TRAPPC9: variants seen among roughly 807,000 people sequenced by gnomAD.
TRAPPC9 encodes the protein IKK2 binding protein.
In TRAPPC9, 83 loss-of-function variants were observed where a neutral mutation model predicts 124.0. That is an observed-to-expected ratio of 0.67 (90% CI 0.56 to 0.80). TRAPPC9 has a LOEUF of 0.80. Among genes scored for constraint, TRAPPC9 ranks in the 30% least tolerant of loss-of-function variants. The pLI, the probability that TRAPPC9 is intolerant of heterozygous loss-of-function variation, is 0.00. For synonymous variants in TRAPPC9, 638 were observed against 617.5 expected, an observed-to-expected ratio of 1.03 and a Z score of -0.49; for missense variants, 1,302 against 1,508.3, an observed-to-expected ratio of 0.86 and a Z score of 2.27.
Position 140,275,773 on chromosome 8 carries a change from A to G in TRAPPC9, c.2163T>C (p.Asn721=). ...QPSSGDEIST[N]VSVQLYNGES... The stretch of plus-strand genomic sequence containing the variant: ...CTCCATTGTAAAGCTGGACAGATAC[A>G]TTAGTAGATATTTCATCACCAGAAG... Residue 721 remains asparagine (N), a synonymous_variant, in exon 15 of 23, where the codon AAT becomes AAC. Transcript: ENST00000438773. The G allele has an allele frequency of 6.2e-7, 1 of 1,613,428 alleles. No individual in the cohort carries two copies. The highest frequency in any genetic ancestry group is 1.3e-5 in the African/African-American group (1 of 75,042).
At chr8:140,444,932 T>A (rs1168741640) in intron 2 of TRAPPC9, among the ~76,000 whole-genome samples, 3 of 146,540 alleles carry the variant, frequency 2.0e-5, no homozygotes. Context: ...CACCCAGGGG[T>A]CAGCCCGGGG....
chr8:140,093,176 T>C (rs1054615047), intron 17 of TRAPPC9, among the ~76,000 whole-genome samples: 1 of 152,322 alleles, frequency 6.6e-6, no homozygotes, highest in East Asian at 1.9e-4. Context: ...GCTTTTGTTC[T>C]AGTAGCTACC....
intron 21 of TRAPPC9, among the ~76,000 whole-genome samples, chr8:139,805,691 G>A (rs988195310): frequency 1.3e-5 from 2 of 152,152 alleles, no homozygotes; most frequent in Admixed American, 1.3e-4. Flanking sequence ...TATAAAAGGA[G>A]CCCGTAGCAT....
chr8:140,060,090 G>T (rs1445876626), intron 17 of TRAPPC9, among the ~76,000 whole-genome samples: 1 of 152,210 alleles, frequency 6.6e-6, no homozygotes, highest in Non-Finnish European at 1.5e-5. Flanking sequence ...TTTAAAGAGT[G>T]TCAGGTCTCC....
chr8:140,121,806 G>A (rs2060990598), intron 17 of TRAPPC9, among the ~76,000 whole-genome samples: 1 of 152,172 alleles, frequency 6.6e-6, no homozygotes, highest in Admixed American at 6.5e-5. Context: ...AAATACAGCA[G>A]AGTCGTGTGT....
chr8:139,760,042 C>G (rs1820114664), intron 21 of TRAPPC9, among the ~76,000 whole-genome samples: 1 of 152,242 alleles, frequency 6.6e-6, no homozygotes, highest in East Asian at 1.9e-4. Context: ...CTCATCTCAG[C>G]ATGAAGCATG....
chr8:140,080,786 A>G (rs1376548964), intron 17 of TRAPPC9, among the ~76,000 whole-genome samples: 1 of 152,238 alleles, frequency 6.6e-6, no homozygotes, highest in African/African-American at 2.4e-5. Context: ...CCCTAAAAAC[A>G]TGAATTCTAG....
At chr8:140,092,362 T>C (rs913533503) in intron 17 of TRAPPC9, among the ~76,000 whole-genome samples, 6 of 151,896 alleles carry the variant, frequency 4.0e-5, no homozygotes, top group Admixed American at 3.9e-4. Context: ...CACGCGAGGC[T>C]AATTTTTGTA....
chr8:140,308,659 G>A (rs2066205607), intron 10 of TRAPPC9, among the ~76,000 whole-genome samples: 1 of 152,100 alleles, frequency 6.6e-6, no homozygotes, highest in Non-Finnish European at 1.5e-5. Context: ...GAGGCGGGCG[G>A]ATCACGAGGT....
At chr8:140,285,084 G>A (rs929559891) in intron 13 of TRAPPC9, among the ~76,000 whole-genome samples, 2 of 152,164 alleles carry the variant, frequency 1.3e-5, no homozygotes, top group Non-Finnish European at 2.9e-5. Flanking sequence ...CCAAAAGTCT[G>A]AGGACAAATA....
chr8:139,770,959 C>T (rs1412636652), intron 21 of TRAPPC9, among the ~76,000 whole-genome samples: 1 of 152,142 alleles, frequency 6.6e-6, no homozygotes, highest in Admixed American at 6.5e-5. Context: ...GGGACCCTCC[C>T]GCAGGAGTCC....
At chr8:140,033,681 T>TTTTTTTTTTTTTTTTTTTTTG (rs1840680303) in intron 17 of TRAPPC9, among the ~76,000 whole-genome samples, 1 of 117,320 alleles carries the variant, frequency 8.5e-6, no homozygotes, top group African/African-American at 3.6e-5. Flanking sequence ...TTTTTTTTTT[T>TTTTTTTTTTTTTTTTTTTTTG]TTTTTTTTTT....
intron 9 of TRAPPC9, among the ~76,000 whole-genome samples, chr8:140,341,139 T>G (rs1189773205): frequency 6.6e-6 from 1 of 152,104 alleles, no homozygotes; most frequent in Non-Finnish European, 1.5e-5. Flanking sequence ...ACAAAAAGAC[T>G]ACATTCCAGC....
intron 19 of TRAPPC9, among the ~76,000 whole-genome samples, chr8:139,955,421 T>A (rs2131530187): frequency 6.7e-6 from 1 of 150,054 alleles, no homozygotes; most frequent in South Asian, 2.1e-4. Flanking sequence ...CCGAGATGGA[T>A]CCAAGAGCAA....
intron 20 of TRAPPC9, among the ~76,000 whole-genome samples, chr8:139,901,856 C>T (rs750269470): frequency 3.3e-5 from 5 of 152,328 alleles, no homozygotes; most frequent in Middle Eastern, 6.8e-3. Context: ...TGGGCCTCCT[C>T]GTTTTCTCAT....
At chr8:139,862,294 A>G (rs1475017332) in intron 21 of TRAPPC9, among the ~76,000 whole-genome samples, 2 of 152,178 alleles carry the variant, frequency 1.3e-5, no homozygotes, top group Admixed American at 1.3e-4. Flanking sequence ...TCCACCATCA[A>G]TGGGGACTTG....
At position 140,405,389 on chromosome 8, in the gene TRAPPC9, A is replaced by T. The variant is rs985351976; in HGVS notation, c.1008+188T>A. 14 of 601,172 alleles carry T rather than the reference A, an allele frequency of 2.3e-5. No individual in the cohort carries two copies. The African/African-American group carries it at 2.6e-4, about 11-fold the overall frequency. The allele number at this position is 601,172 out of a possible 1,614,324, so 37.2% of individuals were successfully genotyped here. Reference sequence around the variant, plus strand: ...TCTCTTTTCCAAATTTATTATACTAAACCTACACTGTTTTGAATCAGAAAA... The same window carrying T: ...TCTCTTTTCCAAATTTATTATACTATACCTACACTGTTTTGAATCAGAAAA... On this transcript the variant is annotated intron_variant, in intron 6 of 22. Transcript: ENST00000438773.
chr8:140,159,710 A>G (rs1424011331), intron 17 of TRAPPC9, among the ~76,000 whole-genome samples: 1 of 152,152 alleles, frequency 6.6e-6, no homozygotes, highest in African/African-American at 2.4e-5. Context: ...CAAATTCTCA[A>G]TCCTATTTCT....
chr8:139,739,912 A>ATGAG (rs1251240663), intron 21 of TRAPPC9, among the ~76,000 whole-genome samples: 5 of 152,186 alleles, frequency 3.3e-5, no homozygotes, highest in African/African-American at 4.8e-5. Context: ...ACATAGATGG[A>ATGAG]TGAGTGAGTG....
Sources: gnomAD v4.1 joint callset for allele counts (sites outside exome capture counted in the v4.1 genomes callset) on GRCh38, gnomAD v4.1.1 for gene constraint, MANE v1.5 for transcripts, NCBI Gene and HGNC (gene_info 2026-07-23, HGNC 2026-07-21) for gene names.